The following IL1RAPL1 variants were observed in gnomAD, a reference collection of about 807,000 sequenced individuals.
IL1RAPL1 encodes the protein interleukin-1 receptor accessory protein-like 1.
In IL1RAPL1, 3 loss-of-function variants were observed where a neutral mutation model predicts 48.4. The observed-to-expected ratio is 0.06, with a 90% CI of 0.03 to 0.16. The LOEUF (loss-of-function observed/expected upper bound fraction) is 0.16, where lower values mean the gene tolerates loss of function less well. Ranked by LOEUF, IL1RAPL1 falls within the 10% of genes least tolerant of loss-of-function variation. The probability of loss-of-function intolerance (pLI) is 1.00; values close to 1 mark genes in which losing one functional copy is unlikely to be tolerated. For missense variants in IL1RAPL1, 349 were observed against 530.6 expected, an observed-to-expected ratio of 0.66 and a Z score of 3.36; for synonymous variants, 185 against 187.7, an observed-to-expected ratio of 0.99 and a Z score of 0.12.
In IL1RAPL1 at chrX:28,596,368, C is replaced by G. The variant is rs745569011; in HGVS notation, c.-25+8321C>G. ...CTCCCTCCCTTCCTTCCTTCCCTCCCTCCCCTTCTTCTTCCTTTCCTCCCC... is the reference window on the plus strand; with the variant it reads ...CTCCCTCCCTTCCTTCCTTCCCTCCGTCCCCTTCTTCTTCCTTTCCTCCCC... On this transcript the variant is annotated intron_variant, in intron 1 of 10. Coordinates refer to ENST00000378993, the MANE Select transcript of IL1RAPL1 (RefSeq NM_014271.4). Among the ~76,000 whole-genome samples the G allele has an allele frequency of 4.6e-5, 5 of 109,753 alleles. No individual in the cohort carries two copies. In the Admixed American group the frequency reaches 4.9e-4, roughly 11 times the overall value.
At chrX:29,481,407 A>G (rs1339928706) in intron 5 of IL1RAPL1, among the ~76,000 whole-genome samples, 1 of 112,783 alleles carries the variant, frequency 8.9e-6, no homozygotes, top group African/African-American at 3.2e-5. Flanking sequence ...TCTGTGACAG[A>G]GAGGGTGTTT....
rs144230575 is a variant in IL1RAPL1, at chrX:28,768,153, G to A, written c.-24-21167G>A. The stretch of plus-strand genomic sequence containing the variant: ...TATCATCATCTCTGATTTTATGTTC[G>A]TGAAATTATAACTCAGTTTCGTTGG... On this transcript the variant is annotated intron_variant, in intron 1 of 10. Coordinates refer to ENST00000378993, the MANE Select transcript of IL1RAPL1 (RefSeq NM_014271.4). 6.2e-3 allele frequency among the ~76,000 whole-genome samples: 694 copies of A among 111,463 alleles called. 3 individuals carry two copies. Among genetic ancestry groups the A allele is most frequent in the African/African-American group, 0.022 (669 of 30,734 alleles).
intron 1 of IL1RAPL1, among the ~76,000 whole-genome samples, chrX:28,764,438 C>T (rs893151094): frequency 3.6e-5 from 4 of 111,650 alleles, no homozygotes; most frequent in Admixed American, 1.9e-4. Flanking sequence ...TGCAGTGGCT[C>T]ACGCCTGTAA....
At chrX:29,869,726 T>C (rs1000016701) in intron 6 of IL1RAPL1, among the ~76,000 whole-genome samples, 43 of 110,971 alleles carry the variant, frequency 3.9e-4, no homozygotes, top group Admixed American at 2.7e-3. Context: ...TACTTGAAAA[T>C]TGTTAATTTA....
intron 1 of IL1RAPL1, among the ~76,000 whole-genome samples, chrX:28,601,867 G>A (rs1186203077): frequency 9.1e-6 from 1 of 110,351 alleles, no homozygotes. Flanking sequence ...CACTTTGGGA[G>A]GCCAAGGTGA....
intron 2 of IL1RAPL1, among the ~76,000 whole-genome samples, chrX:29,146,608 G>C (rs192977282): frequency 8.9e-6 from 1 of 112,035 alleles, no homozygotes; most frequent in Non-Finnish European, 1.9e-5. Context: ...ATATTGCCTA[G>C]AGTAAGTCCA....
At chrX:29,913,919 GC>G (rs1158676991) in intron 6 of IL1RAPL1, among the ~76,000 whole-genome samples, 2 of 111,628 alleles carry the variant, frequency 1.8e-5, no homozygotes, top group Non-Finnish European at 3.8e-5. Context: ...TTTAGCTTCA[GC>G]CCCTTCAAAA....
At chrX:28,853,342 C>T (rs1327950963) in intron 2 of IL1RAPL1, among the ~76,000 whole-genome samples, 2 of 111,527 alleles carry the variant, frequency 1.8e-5, no homozygotes, top group Non-Finnish European at 3.8e-5. Context: ...TTTCCAACCC[C>T]ATTGAAGTTA....
chrX:29,855,317 C>A (rs1387591662), intron 6 of IL1RAPL1, among the ~76,000 whole-genome samples: 1 of 112,250 alleles, frequency 8.9e-6, no homozygotes, highest in African/African-American at 3.2e-5. Context: ...TGTGCATAAA[C>A]ACAAGTACAG....
At chrX:29,740,146 C>A (rs867581911) in intron 6 of IL1RAPL1, among the ~76,000 whole-genome samples, 11 of 95,539 alleles carry the variant, frequency 1.2e-4, no homozygotes, top group African/African-American at 2.5e-4. Context: ...AAAAAAGAAG[C>A]AGCAGCAGCA....
In IL1RAPL1 at chrX:28,789,510, G is replaced by C. The variant is rs1936511481; in HGVS notation, c.82+85G>C. 15 of 675,568 alleles carry C rather than the reference G, an allele frequency of 2.2e-5. No homozygotes were observed. In the South Asian group the frequency reaches 3.3e-4, roughly 15 times the overall value. 55.7% of individuals were successfully genotyped at this position (675,568 alleles called of 1,213,427 possible). A position where few individuals can be genotyped will look rare whatever the true frequency, so the allele number is the denominator to read the frequency against. Reference sequence around the variant, plus strand: ...CTACACATGTGCCATTAGTGGAAAAGTTGAGAATGATCAGTTATCAATATT... The same window carrying C: ...CTACACATGTGCCATTAGTGGAAAACTTGAGAATGATCAGTTATCAATATT... On this transcript the variant is annotated intron_variant, in intron 2 of 10. Transcript: ENST00000378993.
At chrX:28,660,085 T>C (rs1330282451) in intron 1 of IL1RAPL1, among the ~76,000 whole-genome samples, 2 of 64,200 alleles carry the variant, frequency 3.1e-5, no homozygotes, top group Non-Finnish European at 5.8e-5. Flanking sequence ...AGAGTGAGGA[T>C]GGTGTGTGTG....
At chrX:29,865,634 TTC>T (rs1931673493) in intron 6 of IL1RAPL1, among the ~76,000 whole-genome samples, 1 of 101,972 alleles carries the variant, frequency 9.8e-6, no homozygotes, top group Non-Finnish European at 2.0e-5. Flanking sequence ...TTCTTTTCTT[TTC>T]TTTTTTTTTT....
At chrX:28,724,075 T>A (rs886267129) in intron 1 of IL1RAPL1, among the ~76,000 whole-genome samples, 3 of 111,893 alleles carry the variant, frequency 2.7e-5, no homozygotes, top group Non-Finnish European at 5.6e-5. Context: ...ATTCTGTTGA[T>A]ATGGGGTGGA....
chrX:29,773,233 C>T (rs1262071382), intron 6 of IL1RAPL1, among the ~76,000 whole-genome samples: 2 of 112,000 alleles, frequency 1.8e-5, no homozygotes, highest in African/African-American at 6.5e-5. Context: ...GTAGAGGTGG[C>T]ACTAAAGATA....
chrX:29,335,898 A>G (rs1932986144), intron 3 of IL1RAPL1, among the ~76,000 whole-genome samples: 1 of 110,901 alleles, frequency 9.0e-6, no homozygotes, highest in Admixed American at 9.7e-5. Flanking sequence ...TAAAAAGGAT[A>G]TATAGGTATC....
At chrX:29,385,027 T>TA (rs397966065) in intron 3 of IL1RAPL1, among the ~76,000 whole-genome samples, 6 of 112,004 alleles carry the variant, frequency 5.4e-5, no homozygotes, top group African/African-American at 1.9e-4. Context: ...TAATTTTTTT[T>TA]AACTGTGGTA....
intron 6 of IL1RAPL1, among the ~76,000 whole-genome samples, chrX:29,915,155 G>A (rs1332228534): frequency 1.8e-5 from 2 of 111,729 alleles, no homozygotes; most frequent in Admixed American, 9.5e-5. Flanking sequence ...TAAATTAGTC[G>A]GGCGTGGTGG....
In IL1RAPL1 at chrX:29,422,030, G is replaced by T. The variant is rs868533004; in HGVS notation, c.703+22722G>T. On this transcript the variant is annotated intron_variant, in intron 5 of 10. Coordinates refer to ENST00000378993, the MANE Select transcript of IL1RAPL1 (RefSeq NM_014271.4). ...GAGAACCAGGGTGGTTACCCATCTT[G>T]CCAGTGGAGTTCAGAAGCTTATATG... Among the ~76,000 whole-genome samples the T allele has an allele frequency of 5.4e-5, 6 of 111,839 alleles. No individual in the cohort carries two copies. The South Asian group carries it at 2.2e-3, about 42-fold the overall frequency.
Sources: gnomAD v4.1 joint callset for allele counts (sites outside exome capture counted in the v4.1 genomes callset) on GRCh38, gnomAD v4.1.1 for gene constraint, MANE v1.5 for transcripts, NCBI Gene and HGNC (gene_info 2026-07-23, HGNC 2026-07-21) for gene names.